SORCS3: variants seen among roughly 807,000 people sequenced by gnomAD.
The protein encoded by SORCS3 is VPS10 domain-containing receptor SorCS3.
A neutral mutation model predicts 146.3 loss-of-function variants in SORCS3; 57 were observed. The ratio of observed to expected loss-of-function variants is 0.39; its 90% CI spans 0.31 to 0.49. SORCS3 has a LOEUF of 0.49. Among genes scored for constraint, SORCS3 ranks in the 20% least tolerant of loss-of-function variants. SORCS3 has a pLI of 0.92. For missense variants in SORCS3, 1,341 were observed against 1,575.5 expected, an observed-to-expected ratio of 0.85 and a Z score of 2.52; for synonymous variants, 653 against 618.5, an observed-to-expected ratio of 1.06 and a Z score of -0.83.
intron 5 of SORCS3, among the ~76,000 whole-genome samples, chr10:105,053,377 T>A (rs948504334): frequency 1.3e-5 from 2 of 151,398 alleles, no homozygotes; most frequent in Non-Finnish European, 2.9e-5. Context: ...GTCGGGGAAG[T>A]GGAGAGGCAA....
At chr10:105,013,159 CATT>C (rs1454033983) in intron 4 of SORCS3, among the ~76,000 whole-genome samples, 1 of 152,020 alleles carries the variant, frequency 6.6e-6, no homozygotes, top group Admixed American at 6.6e-5. Flanking sequence ...ATGGAACACT[CATT>C]AATGATTTAC....
At chr10:105,005,783 A>G (rs1342681286) in intron 4 of SORCS3, among the ~76,000 whole-genome samples, 1 of 152,170 alleles carries the variant, frequency 6.6e-6, no homozygotes, top group African/African-American at 2.4e-5. Context: ...CCTAATTATC[A>G]GCCCGGATCT....
chr10:104,913,087 C>CGTTGA (rs2018986524), intron 2 of SORCS3, among the ~76,000 whole-genome samples: 2 of 152,116 alleles, frequency 1.3e-5, no homozygotes, highest in South Asian at 4.1e-4. Flanking sequence ...GGAATGGGTC[C>CGTTGA]AGAAAGGGAC....
intron 5 of SORCS3, among the ~76,000 whole-genome samples, chr10:105,057,514 G>C (rs938800225): frequency 1.3e-5 from 2 of 152,118 alleles, no homozygotes; most frequent in African/African-American, 4.8e-5. Context: ...ATTGTTTTAG[G>C]AGGATGCCAC....
At chr10:105,261,981 T>A (rs1332885270) in intron 25 of SORCS3, among the ~76,000 whole-genome samples, 13 of 152,246 alleles carry the variant, frequency 8.5e-5, no homozygotes. Context: ...CTGTACACAC[T>A]TAGAGTTTCA....
intron 1 of SORCS3, among the ~76,000 whole-genome samples, chr10:104,795,942 T>C (rs191823476): frequency 6.6e-6 from 1 of 152,226 alleles, no homozygotes; most frequent in East Asian, 1.9e-4. Context: ...ACTTTAGCCT[T>C]CTCCATACTG....
chr10:104,904,774 A>G (rs1273180579), intron 2 of SORCS3, among the ~76,000 whole-genome samples: 1 of 134,556 alleles, frequency 7.4e-6, no homozygotes, highest in Admixed American at 6.9e-5. Flanking sequence ...TGATGTGGCT[A>G]TCTTGTGCGT....
At chr10:105,047,624 C>T (rs1470757357) in intron 5 of SORCS3, among the ~76,000 whole-genome samples, 3 of 151,986 alleles carry the variant, frequency 2.0e-5, no homozygotes, top group African/African-American at 7.2e-5. Context: ...CTATATCAGG[C>T]CATGTTAGGC....
At chr10:105,031,209 G>A (rs759512386) in intron 4 of SORCS3, among the ~76,000 whole-genome samples, 14 of 151,874 alleles carry the variant, frequency 9.2e-5, no homozygotes, top group Non-Finnish European at 2.1e-4. Context: ...TGAGGCAGGA[G>A]AATTGCTTGA....
chr10:104,823,724 C>T (rs974476598), intron 1 of SORCS3, among the ~76,000 whole-genome samples: 2 of 152,142 alleles, frequency 1.3e-5, no homozygotes, highest in Non-Finnish European at 2.9e-5. Context: ...GAATAGTGGC[C>T]TCCCAAAGAT....
intron 4 of SORCS3, among the ~76,000 whole-genome samples, chr10:105,013,982 GACAC>G (rs71952036): frequency 0.086 from 12,483 of 144,586 alleles, 609 homozygotes; most frequent in East Asian, 0.16. Flanking sequence ...CAGACACACA[GACAC>G]ACACACACAC....
intron 2 of SORCS3, among the ~76,000 whole-genome samples, chr10:104,859,335 T>G (rs1357275872): frequency 6.6e-6 from 1 of 152,122 alleles, no homozygotes; most frequent in Non-Finnish European, 1.5e-5. Flanking sequence ...CCCTATTTAA[T>G]AAATGGTGCT....
At chr10:104,687,849 G>T (rs927053386) in intron 1 of SORCS3, among the ~76,000 whole-genome samples, 2 of 152,194 alleles carry the variant, frequency 1.3e-5, no homozygotes, top group Non-Finnish European at 2.9e-5. Flanking sequence ...GTAAAGGGGG[G>T]ACAATAATAG....
intron 3 of SORCS3, among the ~76,000 whole-genome samples, chr10:104,976,057 A>C (rs1451773716): frequency 6.6e-6 from 1 of 152,210 alleles, no homozygotes; most frequent in East Asian, 1.9e-4. Flanking sequence ...AAAATTGACA[A>C]ATGGGATCTA....
intron 13 of SORCS3, among the ~76,000 whole-genome samples, chr10:105,172,966 TG>T (rs1483055633): frequency 6.6e-6 from 1 of 152,304 alleles, no homozygotes; most frequent in African/African-American, 2.4e-5. Flanking sequence ...TTGGTGTTTT[TG>T]TTTTTTTTGT....
intron 1 of SORCS3, among the ~76,000 whole-genome samples, chr10:104,670,658 T>C (rs2015839894): frequency 6.6e-6 from 1 of 152,206 alleles, no homozygotes; most frequent in Admixed American, 6.5e-5. Flanking sequence ...GTTTTAGCTA[T>C]TCAGGCTCCC....
intron 1 of SORCS3, among the ~76,000 whole-genome samples, chr10:104,704,873 C>T (rs1360440934): frequency 6.6e-6 from 1 of 152,074 alleles, no homozygotes; most frequent in Non-Finnish European, 1.5e-5. Flanking sequence ...GCCTACTCTC[C>T]CCCTCTACTT....
chr10:104,645,592 C>G (rs2015484768), intron 1 of SORCS3, among the ~76,000 whole-genome samples: 2 of 152,296 alleles, frequency 1.3e-5, no homozygotes, highest in South Asian at 4.1e-4. Flanking sequence ...AGTGTATCTG[C>G]TTGGAATACT....
intron 1 of SORCS3, among the ~76,000 whole-genome samples, chr10:104,677,096 C>G (rs1181001158): frequency 6.6e-6 from 1 of 152,220 alleles, no homozygotes; most frequent in Non-Finnish European, 1.5e-5. Flanking sequence ...CTGGGACACA[C>G]AGAATAAGCG....
Sources: allele counts gnomAD v4.1 joint callset (sites outside exome capture counted in the v4.1 genomes callset), GRCh38; gene constraint gnomAD v4.1.1; transcripts MANE v1.5; gene names NCBI Gene and HGNC (gene_info 2026-07-23, HGNC 2026-07-21).